Variants in UHRF2 observed in about 807,000 individuals in gnomAD.
UHRF2 encodes the protein ubiquitin like with PHD and ring finger domains 2.
Under a neutral mutation model 96.8 loss-of-function variants are expected in UHRF2, and 23 were observed. That is an observed-to-expected ratio of 0.24 (90% CI 0.17 to 0.34). The LOEUF is 0.34. Ranked by LOEUF, UHRF2 falls within the 10% of genes least tolerant of loss-of-function variation. The probability of loss-of-function intolerance (pLI) is 1.00; values close to 1 mark genes in which losing one functional copy is unlikely to be tolerated. For synonymous variants in UHRF2, 385 were observed against 332.6 expected (o/e 1.16, Z -1.72); for missense variants, 685 against 981.5 (o/e 0.70, Z 4.04).
Position 6,460,656 on chromosome 9 carries a change from A to G in UHRF2, c.728A>G (p.Asn243Ser). The G allele has an allele frequency of 6.2e-7, 1 of 1,613,760 alleles. No homozygotes were observed. The part of the protein sequence containing the change: ...ARTILKWNEL[N>S]VGDVVMVNYN... ...ACCATTTTGAAATGGAATGAACTAA[A>G]TGTTGGTGATGTGGTAATGGTTAAT... The change falls in exon 4 of 16, where the codon AAT becomes AGT. Residue 243 changes from asparagine to serine, a missense_variant. By Grantham distance (46) the Asn-to-Ser change is conservative. Around this residue, in one of 6 missense-constraint regions of UHRF2, gnomAD observed 391 missense variants for 437.0 expected, o/e 0.89. Coordinates refer to ENST00000276893, the MANE Select transcript of UHRF2 (RefSeq NM_152896.3).
At chr9:6,469,764 G>T (rs1045770963) in intron 4 of UHRF2, among the ~76,000 whole-genome samples, 1 of 148,044 alleles carries the variant, frequency 6.8e-6, no homozygotes, top group African/African-American at 2.5e-5. Context: ...ATATACACAC[G>T]TATATATGTG....
At chr9:6,447,768 C>G (rs1365152396) in intron 3 of UHRF2, among the ~76,000 whole-genome samples, 1 of 152,090 alleles carries the variant, frequency 6.6e-6, no homozygotes, top group Non-Finnish European at 1.5e-5. Flanking sequence ...GAAGGCACAA[C>G]ACTAATTAAC....
Position 6,413,384 on chromosome 9 carries a change from T to G in UHRF2, c.-107T>G, listed in dbSNP as rs1819401994. On this transcript the variant is annotated 5_prime_UTR_variant, in exon 1 of 16. Coordinates refer to ENST00000276893, the MANE Select transcript of UHRF2 (RefSeq NM_152896.3). ...GGTCCGGTGGGCGCGCTCGCCCGCC[T>G]GCCGCTGAGGGCCCGAGCCGCAGGG... The G allele has an allele frequency of 8.7e-7, 1 of 1,145,682 alleles. No individual in the cohort carries two copies. The highest frequency in any genetic ancestry group is 1.1e-6 in the Non-Finnish European group (1 of 912,818). The allele number at this position is 1,145,682 out of a possible 1,614,324, so 71.0% of individuals were successfully genotyped here. A position where few individuals can be genotyped will look rare whatever the true frequency, so the allele number is the denominator to read the frequency against.
intron 2 of UHRF2, among the ~76,000 whole-genome samples, chr9:6,426,557 T>A (rs1284559680): frequency 6.6e-6 from 1 of 152,180 alleles, no homozygotes; most frequent in Admixed American, 6.5e-5. Flanking sequence ...GTATTTGAAA[T>A]TTTGACTGGT....
rs1235213805 is a variant in UHRF2 at position 6,454,574 on chromosome 9, C to G, written c.645-5999C>G. Among the ~76,000 whole-genome samples the G allele has an allele frequency of 2.6e-5, 4 of 152,278 alleles. No individual in the cohort carries two copies. In the South Asian group the frequency reaches 6.2e-4, roughly 24 times the overall value. On this transcript the variant is annotated intron_variant, in intron 3 of 15. Transcript: ENST00000276893. ...AAAACTGCCCCCCAGCCCCCATCACCTACGTAAGATCCCACACAGGATTAA... is the reference window on the plus strand; with the variant it reads ...AAAACTGCCCCCCAGCCCCCATCACGTACGTAAGATCCCACACAGGATTAA...
intron 2 of UHRF2, among the ~76,000 whole-genome samples, chr9:6,427,640 G>A (rs944809107): frequency 8.5e-5 from 13 of 152,062 alleles, no homozygotes; most frequent in African/African-American, 1.9e-4. Flanking sequence ...AGCTTAGACC[G>A]CGCCACTGCA....
chr9:6,469,804 A>T (rs929245233), intron 4 of UHRF2, among the ~76,000 whole-genome samples: 1 of 150,646 alleles, frequency 6.6e-6, no homozygotes, highest in Non-Finnish European at 1.5e-5. Context: ...GTGTATATAT[A>T]TATTTATATT....
intron 3 of UHRF2, among the ~76,000 whole-genome samples, chr9:6,449,911 C>G (rs1294545829): frequency 6.6e-6 from 1 of 152,194 alleles, no homozygotes; most frequent in East Asian, 1.9e-4. Context: ...GGAGATGACT[C>G]TTAGAGAGCT....
At chr9:6,466,829 C>A (rs1822889436) in intron 4 of UHRF2, among the ~76,000 whole-genome samples, 1 of 152,220 alleles carries the variant, frequency 6.6e-6, no homozygotes. Flanking sequence ...CCCTCCTACA[C>A]AGATACTCAT....
intron 4 of UHRF2, chr9:6,468,744 A>T (rs1186546751): frequency 2.2e-6 from 1 of 453,402 alleles, no homozygotes; most frequent in Non-Finnish European, 4.4e-6. Flanking sequence ...GAAGGCATAC[A>T]CTGGATTTTA....
At chr9:6,444,044 T>A (rs1249324886) in intron 3 of UHRF2, among the ~76,000 whole-genome samples, 1 of 152,246 alleles carries the variant, frequency 6.6e-6, no homozygotes, top group Non-Finnish European at 1.5e-5. Flanking sequence ...TTCTTGAGTA[T>A]ATTGATGTAG....
intron 6 of UHRF2, 31 bp from the exon 7 acceptor site, chr9:6,481,612 A>C (rs770958099): frequency 6.2e-7 from 1 of 1,603,188 alleles, no homozygotes; most frequent in Non-Finnish European, 8.5e-7. Context: ...GGTATTGTGA[A>C]AATGCCTTCG....
At chr9:6,472,646 C>T (rs1226402572) in intron 4 of UHRF2, among the ~76,000 whole-genome samples, 4 of 152,140 alleles carry the variant, frequency 2.6e-5, no homozygotes, top group African/African-American at 9.7e-5. Flanking sequence ...ACTAACTGAA[C>T]ATAAAGGAGA....
chr9:6,437,574 A>G (rs549443186), intron 3 of UHRF2, among the ~76,000 whole-genome samples: 2 of 152,056 alleles, frequency 1.3e-5, no homozygotes, highest in East Asian at 3.9e-4. Flanking sequence ...GAGTCGATAG[A>G]ATGTGGTTGT....
In UHRF2 at chr9:6,413,403, C is replaced by T. The variant is rs548460330; in HGVS notation, c.-88C>T. On this transcript the variant is annotated 5_prime_UTR_variant, in exon 1 of 16. Transcript: ENST00000276893. ...CCCGCCTGCCGCTGAGGGCCCGAGC[C>T]GCAGGGAAAGCGGCGCGGGCCGGGC... 8,455 of 1,257,556 alleles carry T rather than the reference C, an allele frequency of 6.7e-3. 42 individuals are homozygous for T. Among genetic ancestry groups the T allele is most frequent in the Admixed American group, 7.7e-3 (232 of 30,090 alleles). 77.9% of individuals were successfully genotyped at this position (1,257,556 alleles called of 1,614,324 possible).
chr9:6,461,342 C>T (rs1374939762), intron 4 of UHRF2, among the ~76,000 whole-genome samples: 6 of 122,078 alleles, frequency 4.9e-5, no homozygotes, highest in Admixed American at 2.4e-4. Context: ...TCCCTCCCTC[C>T]CTCTCTCTCT....
intron 3 of UHRF2, among the ~76,000 whole-genome samples, chr9:6,447,967 C>G (rs1331575472): frequency 1.3e-5 from 2 of 152,142 alleles, no homozygotes; most frequent in Non-Finnish European, 2.9e-5. Flanking sequence ...AACATTTTAA[C>G]CACTTTTAAC....
At chr9:6,481,840 T>C in intron 7 of UHRF2, 74 bp downstream of exon 7, 1 of 1,560,154 alleles carries the variant, frequency 6.4e-7, no homozygotes, top group Non-Finnish European at 8.7e-7. Context: ...ATAGTAGTAA[T>C]GGTATAAAAG....
chr9:6,492,142 A>G (rs984562375), intron 9 of UHRF2, among the ~76,000 whole-genome samples: 5 of 152,238 alleles, frequency 3.3e-5, no homozygotes, highest in African/African-American at 1.2e-4. Context: ...ATTAAAGTAC[A>G]AATGAGTTAA....
Sources: gnomAD v4.1 joint callset for allele counts (sites outside exome capture counted in the v4.1 genomes callset) on GRCh38, gnomAD v4.1.1 for gene constraint, gnomAD v4.1.1 regional missense constraint, MANE v1.5 for transcripts, NCBI Gene and HGNC (gene_info 2026-07-23, HGNC 2026-07-21) for gene names.